STK31: variants seen among roughly 807,000 people sequenced by gnomAD.
STK31 encodes the protein serine/threonine kinase 31.
Under a neutral mutation model 129.7 loss-of-function variants are expected in STK31, and 89 were observed. The observed-to-expected ratio is 0.69, with a 90% CI of 0.58 to 0.82. STK31 has a LOEUF of 0.82. STK31 is among the 40% of genes least tolerant of loss of function. The pLI, the probability that STK31 is intolerant of heterozygous loss-of-function variation, is 0.00. For missense variants in STK31, 1,187 were observed against 1,176.4 expected (o/e 1.01, Z -0.13); for synonymous variants, 448 against 395.3 (o/e 1.13, Z -1.58).
chr7:23,802,303 G>A (rs1205497726), intron 22 of STK31, among the ~76,000 whole-genome samples: 1 of 152,164 alleles, frequency 6.6e-6, no homozygotes, highest in Non-Finnish European at 1.5e-5. Flanking sequence ...GAACTTTCAG[G>A]AAGGTGTAGG....
At chr7:23,757,840 T>G (rs917125061) in intron 10 of STK31, among the ~76,000 whole-genome samples, 1 of 152,188 alleles carries the variant, frequency 6.6e-6, no homozygotes, top group Non-Finnish European at 1.5e-5. Flanking sequence ...GGAGAAACCT[T>G]GGACAAGACC....
chr7:23,713,957 TGTGAGACTGG>T (rs1391645688), intron 3 of STK31, among the ~76,000 whole-genome samples: 2 of 152,230 alleles, frequency 1.3e-5, no homozygotes, highest in African/African-American at 4.8e-5. Context: ...GCTGTGCTTT[TGTGAGACTGG>T]GGCACGGTAG....
intron 15 of STK31, among the ~76,000 whole-genome samples, chr7:23,776,965 A>G (rs374365259): frequency 6.6e-6 from 1 of 152,214 alleles, no homozygotes; most frequent in Non-Finnish European, 1.5e-5. Flanking sequence ...ATTTAGTGCT[A>G]TAAATTTCCC....
rs1465429147 is a variant in STK31 at position 23,719,239 on chromosome 7, T to C, written c.249+1660T>C. Among the ~76,000 whole-genome samples the C allele has an allele frequency of 2.6e-5, 4 of 152,236 alleles. No individual in the cohort carries two copies. The East Asian group carries it at 5.8e-4, about 22-fold the overall frequency. On this transcript the variant is annotated intron_variant, in intron 4 of 23. Transcript: ENST00000355870. ...ATGAATGCATTTAAAAAATAAAAGA[T>C]ATATTTCAATGACAAAAAGTATGCA...
chr7:23,716,015 A>G (rs1412153934), intron 3 of STK31, among the ~76,000 whole-genome samples: 3 of 152,168 alleles, frequency 2.0e-5, no homozygotes, highest in Admixed American at 1.3e-4. Context: ...AAGCCAGGGA[A>G]TTAACATTAG....
At chr7:23,724,098 A>T (rs960596667) in intron 4 of STK31, among the ~76,000 whole-genome samples, 1 of 152,226 alleles carries the variant, frequency 6.6e-6, no homozygotes, top group African/African-American at 2.4e-5. Flanking sequence ...TTTAAAAGAC[A>T]AATGGTTACA....
chr7:23,810,788 A>G (rs1562623622), intron 22 of STK31, among the ~76,000 whole-genome samples: 9 of 130,042 alleles, frequency 6.9e-5, no homozygotes, highest in African/African-American at 2.2e-4. Flanking sequence ...TTATATATAA[A>G]TATATAAATA....
chr7:23,828,606 C>T (rs1794337652), intron 23 of STK31, among the ~76,000 whole-genome samples: 2 of 152,206 alleles, frequency 1.3e-5, no homozygotes, highest in Non-Finnish European at 2.9e-5. Flanking sequence ...CTGTCCTGCA[C>T]CCACTGTCCG....
intron 23 of STK31, among the ~76,000 whole-genome samples, chr7:23,828,929 T>A (rs555426507): frequency 6.6e-6 from 1 of 152,040 alleles, no homozygotes; most frequent in Admixed American, 6.6e-5. Context: ...AGATGGAGTT[T>A]CGTTCGTGTT....
At chr7:23,747,833 G>A (rs1194645997) in intron 8 of STK31, among the ~76,000 whole-genome samples, 1 of 151,922 alleles carries the variant, frequency 6.6e-6, no homozygotes, top group Admixed American at 6.6e-5. Flanking sequence ...TCTGATACTG[G>A]CAATTTGTGT....
At chr7:23,825,176 C>G (rs1794052165) in intron 23 of STK31, among the ~76,000 whole-genome samples, 1 of 152,276 alleles carries the variant, frequency 6.6e-6, no homozygotes, top group African/African-American at 2.4e-5. Context: ...AGGAATGGTA[C>G]CAGCTCCTCC....
rs1264218895 is a variant in STK31, at chr7:23,752,831, A to C, written c.1132A>C (p.Arg378=). Residue 378 remains arginine (R), a splice_region_variant and synonymous_variant, in exon 9 of 24, where the codon AGG becomes CGG. Transcript: ENST00000355870. ...AAKMEILKEM[R]HVDISVRFGK... ...TAAGATGGAAATACTGAAAGAAATG[A>C]GGTAGGTAAAAGCATATTTTTCAGA... 6.3e-7 allele frequency: 1 copy of C among 1,578,310 alleles called. No individual in the cohort carries two copies. The highest frequency in any genetic ancestry group is 8.7e-7 in the Non-Finnish European group (1 of 1,149,344).
chr7:23,750,803 G>A (rs538117524), intron 8 of STK31, among the ~76,000 whole-genome samples: 9 of 152,082 alleles, frequency 5.9e-5, no homozygotes, highest in Non-Finnish European at 1.0e-4. Context: ...TTTGTCATAT[G>A]CCTAGAATGT....
intron 13 of STK31, among the ~76,000 whole-genome samples, chr7:23,770,444 T>C (rs192735764): frequency 3.5e-4 from 54 of 152,302 alleles, no homozygotes; most frequent in Admixed American, 2.4e-3. Flanking sequence ...TCAGACTTGA[T>C]TTTAGTAGTA....
chr7:23,733,583 C>T (rs990728119), intron 6 of STK31, among the ~76,000 whole-genome samples: 3 of 151,744 alleles, frequency 2.0e-5, no homozygotes, highest in Middle Eastern at 3.4e-3. Context: ...CTGAGGTGGG[C>T]GGATCACGAG....
chr7:23,771,332 A>G (rs1410870260), intron 14 of STK31: 5 of 354,016 alleles, frequency 1.4e-5, no homozygotes, highest in African/African-American at 2.1e-5. Context: ...GAGAACCACA[A>G]TTTTTAACAT....
intron 10 of STK31, among the ~76,000 whole-genome samples, chr7:23,754,859 A>G (rs1251493458): frequency 2.0e-5 from 3 of 152,222 alleles, no homozygotes; most frequent in Admixed American, 6.5e-5. Context: ...ATAGTATTCC[A>G]TGGTGTATAT....
At chr7:23,765,271 C>T (rs980880236) in intron 11 of STK31, among the ~76,000 whole-genome samples, 6 of 152,062 alleles carry the variant, frequency 3.9e-5, no homozygotes, top group African/African-American at 1.4e-4. Flanking sequence ...CCAGGGTGGG[C>T]TCGAACTCCT....
chr7:23,712,802 C>T (rs1455558224), intron 3 of STK31, among the ~76,000 whole-genome samples: 1 of 152,144 alleles, frequency 6.6e-6, no homozygotes, highest in Non-Finnish European at 1.5e-5. Context: ...AAATACAAAG[C>T]AAGCACTGAA....
Sources: allele counts gnomAD v4.1 joint callset (sites outside exome capture counted in the v4.1 genomes callset), GRCh38; gene constraint gnomAD v4.1.1; transcripts MANE v1.5; gene names NCBI Gene and HGNC (gene_info 2026-07-23, HGNC 2026-07-21).